Variants in DLC1 observed in about 807,000 individuals in gnomAD.
DLC1 encodes the protein rho GTPase-activating protein 7.
DLC1 carries 54 observed loss-of-function variants against 140.3 expected under a neutral mutation model. That is an observed-to-expected ratio of 0.38 (90% CI 0.31 to 0.48). DLC1 has a LOEUF of 0.48. Among genes scored for constraint, DLC1 ranks in the 20% least tolerant of loss-of-function variants. DLC1 has a pLI of 0.96. For missense variants in DLC1, 2,536 were observed against 1,907.0 expected (o/e 1.33, Z -6.14); for synonymous variants, 986 against 728.1 (o/e 1.35, Z -5.70).
At chr8:13,409,149 T>A (rs1837684208) in intron 2 of DLC1, among the ~76,000 whole-genome samples, 1 of 152,152 alleles carries the variant, frequency 6.6e-6, no homozygotes, top group Non-Finnish European at 1.5e-5. Context: ...TCCTTAATAT[T>A]TGTAGTTATT....
intron 5 of DLC1, chr8:13,133,044 T>C: frequency 3.2e-6 from 5 of 1,574,314 alleles, no homozygotes; most frequent in Non-Finnish European, 4.3e-6. Flanking sequence ...GCGGCTCGGC[T>C]TCCGCGTCGG....
chr8:13,116,843 G>A (rs891841671), intron 5 of DLC1, among the ~76,000 whole-genome samples: 2 of 152,162 alleles, frequency 1.3e-5, no homozygotes, highest in East Asian at 3.9e-4. Context: ...AACGATTATG[G>A]CAGTAGCCTG....
intron 5 of DLC1, among the ~76,000 whole-genome samples, chr8:13,192,028 G>C (rs903271596): frequency 6.7e-6 from 1 of 148,954 alleles, no homozygotes; most frequent in Non-Finnish European, 1.5e-5. Flanking sequence ...TGCAGCCTCT[G>C]CCTCCCGGGT....
At position 13,093,065 on chromosome 8, in the gene DLC1, C is replaced by T. The variant is rs139360578; in HGVS notation, c.3527-240G>A. Among the ~76,000 whole-genome samples, 540 of 152,218 alleles carry T rather than the reference C, an allele frequency of 3.5e-3. 2 individuals carry two copies. Among genetic ancestry groups the T allele is most frequent in the Non-Finnish European group, 6.1e-3 (414 of 68,020 alleles). ...TTTTTAAACACCCACAATACCCAAA[C>T]ACTCTTAAATCCACCTCAGAGTTCG... On this transcript the variant is annotated intron_variant, in intron 12 of 17. Coordinates refer to ENST00000276297, the MANE Select transcript of DLC1 (RefSeq NM_182643.3).
Position 13,085,887 on chromosome 8 carries a change from C to A in DLC1, c.4511G>T (p.Cys1504Phe). The A allele has an allele frequency of 6.2e-7, 1 of 1,614,172 alleles. No individual in the cohort carries two copies. Among genetic ancestry groups the A allele is most frequent in the Non-Finnish European group, 8.5e-7 (1 of 1,180,026 alleles). ...CCGGATCTTTACAACTTCAGCTGCA[C>A]ACAAATGTCCAAAAGATTTTGTGTA... ...EWYTKSFGHL[C>F]AAEVVKIRDS... Residue 1504 changes from cysteine to phenylalanine, a missense_variant, in exon 18 of 18, where the codon TGT (cysteine) becomes TTT (phenylalanine). By Grantham distance (205) the Cys-to-Phe change is radical. Transcript: ENST00000276297.
At chr8:13,207,567 C>T (rs893974933) in intron 5 of DLC1, among the ~76,000 whole-genome samples, 1 of 151,990 alleles carries the variant, frequency 6.6e-6, no homozygotes, top group Non-Finnish European at 1.5e-5. Context: ...TCTTTTGGCC[C>T]TATTAAAAAA....
chr8:13,184,009 T>C (rs1826196622), intron 5 of DLC1, among the ~76,000 whole-genome samples: 1 of 152,230 alleles, frequency 6.6e-6, no homozygotes, highest in Non-Finnish European at 1.5e-5. Flanking sequence ...TATTGGTCTA[T>C]TGAGAGATTC....
rs976195489 is a variant in DLC1 at position 13,295,357 on chromosome 8, A to C, written c.1348+9912T>G. ...TTAGTGAGTATTTTAGTTAAGTAGA[A>C]ATTTAAGAACTCTGTGAGAACTTTT... is the stretch of plus-strand genomic sequence containing the variant. On this transcript the variant is annotated intron_variant, in intron 5 of 17. Transcript: ENST00000276297. Among the ~76,000 whole-genome samples, 5 of 152,192 alleles carry C rather than the reference A, an allele frequency of 3.3e-5. 1 individual carries two copies. The highest frequency in any genetic ancestry group is 3.3e-4 in the Admixed American group (5 of 15,270).
At chr8:13,506,646 A>T (rs1438088653) in intron 1 of DLC1, among the ~76,000 whole-genome samples, 2 of 149,208 alleles carry the variant, frequency 1.3e-5, no homozygotes, top group Non-Finnish European at 3.0e-5. Context: ...CATGCACCCA[A>T]ATATATATGT....
chr8:13,475,784 C>T (rs1800408339), intron 2 of DLC1, among the ~76,000 whole-genome samples: 1 of 152,166 alleles, frequency 6.6e-6, no homozygotes, highest in Admixed American at 6.5e-5. Context: ...CAAGTGTTGG[C>T]TGTGTGGGGT....
chr8:13,450,729 A>T (rs1799000494), intron 2 of DLC1, among the ~76,000 whole-genome samples: 1 of 152,124 alleles, frequency 6.6e-6, no homozygotes, highest in Non-Finnish European at 1.5e-5. Context: ...CTCCAAATCA[A>T]ATTGTCATCC....
intron 5 of DLC1, among the ~76,000 whole-genome samples, chr8:13,197,028 T>C (rs2117049764): frequency 6.6e-6 from 1 of 152,342 alleles, no homozygotes; most frequent in South Asian, 2.1e-4. Flanking sequence ...CCAGTAGTTG[T>C]TTTTCTGATG....
intron 1 of DLC1, among the ~76,000 whole-genome samples, chr8:13,595,927 C>T (rs1409458943): frequency 6.6e-6 from 1 of 151,962 alleles, no homozygotes; most frequent in African/African-American, 2.4e-5. Context: ...CTAAATATAT[C>T]ACACAAAAGC....
At chr8:13,173,195 C>G (rs2116936788) in intron 5 of DLC1, among the ~76,000 whole-genome samples, 1 of 152,264 alleles carries the variant, frequency 6.6e-6, no homozygotes, top group African/African-American at 2.4e-5. Context: ...GGTTTGGCTT[C>G]TTGCAAACCA....
chr8:13,549,276 T>A (rs1803767012), intron 1 of DLC1, among the ~76,000 whole-genome samples: 2 of 152,064 alleles, frequency 1.3e-5, no homozygotes, highest in East Asian at 3.9e-4. Context: ...AATCAGTGAA[T>A]GGCAAGTAAA....
Position 13,084,977 on chromosome 8 carries a change from C to G in DLC1, c.*834G>C, listed in dbSNP as rs1332809551. 6.6e-6 allele frequency: 1 copy of G among 152,250 alleles called. No homozygotes were observed. Among genetic ancestry groups the G allele is most frequent in the Non-Finnish European group, 1.5e-5 (1 of 68,090 alleles). 9.4% of individuals were successfully genotyped at this position (152,250 alleles called of 1,614,324 possible). On this transcript the variant is annotated 3_prime_UTR_variant, in exon 18 of 18. Transcript: ENST00000276297. Reference sequence around the variant, plus strand: ...AAACAAAACAAAACAAAACAAAACCCTGTGGATCAGAGCCAGTAAGGCTAG... The same window carrying G: ...AAACAAAACAAAACAAAACAAAACCGTGTGGATCAGAGCCAGTAAGGCTAG...
At chr8:13,171,693 T>C (rs959602091) in intron 5 of DLC1, among the ~76,000 whole-genome samples, 1 of 152,154 alleles carries the variant, frequency 6.6e-6, no homozygotes, top group Non-Finnish European at 1.5e-5. Context: ...CGGCCCACAC[T>C]TCCTTTTAAA....
At chr8:13,291,359 G>A (rs533485716) in intron 5 of DLC1, among the ~76,000 whole-genome samples, 36 of 152,264 alleles carry the variant, frequency 2.4e-4, no homozygotes, top group African/African-American at 8.7e-4. Flanking sequence ...AATATTTTTT[G>A]TTAATTATAT....
At chr8:13,518,476 G>C (rs1476982591), upstream of DLC1, among the ~76,000 whole-genome samples, 4 of 152,138 alleles carry the variant, frequency 2.6e-5, no homozygotes, top group East Asian at 7.7e-4. Context: ...CATTTATCTA[G>C]TCATTTCCCA....
Sources: gnomAD v4.1 joint callset for allele counts (sites outside exome capture counted in the v4.1 genomes callset) on GRCh38, gnomAD v4.1.1 for gene constraint, MANE v1.5 for transcripts, NCBI Gene and HGNC (gene_info 2026-07-23, HGNC 2026-07-21) for gene names.